The following ERCC8 variants were observed in gnomAD, a reference collection of about 807,000 sequenced individuals.
ERCC8 encodes the protein DNA excision repair protein ERCC-8.
ERCC8 carries 52 observed loss-of-function variants against 54.9 expected under a neutral mutation model. That is an observed-to-expected ratio of 0.95 (90% CI 0.76 to 1.19). The LOEUF is 1.19. Among genes scored for constraint, ERCC8 ranks in the 50% most tolerant of loss-of-function variants. ERCC8 has a pLI of 0.00. For synonymous variants in ERCC8, 146 were observed against 157.2 expected (o/e 0.93, Z 0.53); for missense variants, 514 against 466.1 (o/e 1.10, Z -0.95).
Position 60,903,647 on chromosome 5 carries a change from C to A in ERCC8, c.550+1G>T, listed in dbSNP as rs527752850. The A allele has an allele frequency of 1.9e-6, 3 of 1,612,176 alleles. No individual in the cohort carries two copies. The highest frequency in any genetic ancestry group is 2.7e-5 in the African/African-American group (2 of 74,948). On this transcript the variant is annotated splice_donor_variant, in intron 6 of 11. Coordinates refer to ENST00000676185, the MANE Select transcript of ERCC8 (RefSeq NM_000082.4). LOFTEE classifies it high-confidence loss of function. Reference sequence around the variant, plus strand: ...TGCCGTTTGAAATAAAATAAAAATACCCTGTAGAATGTGAGAACAGGATCC... The same window carrying A: ...TGCCGTTTGAAATAAAATAAAAATAACCTGTAGAATGTGAGAACAGGATCC...
intron 4 of ERCC8, chr5:60,917,350 G>C (rs1749466098): frequency 6.6e-6 from 1 of 152,044 alleles, no homozygotes; most frequent in Non-Finnish European, 1.5e-5. Flanking sequence ...CATTTGTGTT[G>C]AAAACTGGTA....
In ERCC8 at chr5:60,904,831, G is replaced by A; in HGVS notation, c.442C>T (p.His148Tyr). Residue 148 changes from histidine (H) to tyrosine (Y), a missense_variant, in exon 5 of 12, where the codon CAT becomes TAT. His to Tyr is a moderately conservative substitution (Grantham distance 83). Transcript: ENST00000676185. ...FNFEETVYSH[H>Y]MSPVSTKHCL... Reference sequence around the variant, plus strand: ...TGCTTGGTGGAGACTGGAGACATATGATGACTATAAACTGTTTCCTCAAAA... The same window carrying A: ...TGCTTGGTGGAGACTGGAGACATATAATGACTATAAACTGTTTCCTCAAAA... 1.3e-6 allele frequency: 2 copies of A among 1,599,772 alleles called. No homozygotes were observed. The highest frequency in any genetic ancestry group is 1.7e-6 in the Non-Finnish European group (2 of 1,168,016).
chr5:60,930,682 C>T (rs1303341173), intron 1 of ERCC8, among the ~76,000 whole-genome samples: 3 of 152,118 alleles, frequency 2.0e-5, no homozygotes, highest in East Asian at 1.9e-4. Flanking sequence ...GCCGAGATCG[C>T]GCCACTGCAC....
At chr5:60,893,719 C>T (rs530992320) in intron 9 of ERCC8, 175 of 419,616 alleles carry the variant, frequency 4.2e-4, no homozygotes, top group South Asian at 2.5e-3. Context: ...AGCCTGGCGG[C>T]GCCCGACTCC....
chr5:60,913,976 TC>T (rs1749350486), intron 4 of ERCC8, among the ~76,000 whole-genome samples: 2 of 152,176 alleles, frequency 1.3e-5, no homozygotes, highest in South Asian at 4.1e-4. Context: ...TGATTTGTGT[TC>T]TTTTACATTT....
chr5:60,919,607 T>G (rs1749543583), intron 3 of ERCC8: 1 of 152,112 alleles, frequency 6.6e-6, no homozygotes, highest in Non-Finnish European at 1.5e-5. Context: ...TAAATATTCA[T>G]ATATTTTAAC....
chr5:60,880,764 G>C (rs1411312344), intron 11 of ERCC8, among the ~76,000 whole-genome samples: 1 of 151,990 alleles, frequency 6.6e-6, no homozygotes, highest in African/African-American at 2.4e-5. Flanking sequence ...TTAGCCATTT[G>C]TCTAATTTTT....
At chr5:60,917,495 G>C (rs1027215490) in intron 4 of ERCC8, 5 of 151,978 alleles carry the variant, frequency 3.3e-5, no homozygotes, top group Non-Finnish European at 5.9e-5. Flanking sequence ...TTAATTCTGG[G>C]GTAGAACTTA....
At chr5:60,885,456 G>A (rs1748367336) in intron 11 of ERCC8, among the ~76,000 whole-genome samples, 1 of 152,044 alleles carries the variant, frequency 6.6e-6, no homozygotes. Flanking sequence ...ATGGCTTACA[G>A]TGTTAACTTG....
intron 2 of ERCC8, among the ~76,000 whole-genome samples, chr5:60,926,417 A>G (rs769486837): frequency 7.2e-5 from 11 of 152,180 alleles, no homozygotes; most frequent in African/African-American, 1.2e-4. Flanking sequence ...CAAATAGTTC[A>G]TGAACTAGTA....
chr5:60,924,230 C>T (rs1191814934), intron 2 of ERCC8: 2 of 152,550 alleles, frequency 1.3e-5, no homozygotes, highest in African/African-American at 4.8e-5. Context: ...AAACCAATAT[C>T]TAGATCCATC....
intron 1 of ERCC8, among the ~76,000 whole-genome samples, chr5:60,940,910 T>C (rs1027185773): frequency 1.3e-5 from 2 of 152,124 alleles, no homozygotes; most frequent in African/African-American, 4.8e-5. Context: ...TAAAGAACCG[T>C]GAAAATTTCA....
chr5:60,893,145 C>A, intron 9 of ERCC8: 1 of 846,072 alleles, frequency 1.2e-6, no homozygotes, highest in Non-Finnish European at 2.1e-6. Flanking sequence ...CATTTGGAAG[C>A]AGCAGCAGCA....
intron 6 of ERCC8, 97 bp downstream of exon 6, chr5:60,903,551 T>C (rs1276174749): frequency 8.3e-6 from 13 of 1,571,238 alleles, no homozygotes; most frequent in Non-Finnish European, 1.0e-5. Flanking sequence ...CAAAGTACAT[T>C]AGTCATGTCA....
At chr5:60,902,717 A>G (rs755721665) in intron 6 of ERCC8, among the ~76,000 whole-genome samples, 2 of 152,070 alleles carry the variant, frequency 1.3e-5, no homozygotes, top group African/African-American at 4.8e-5. Flanking sequence ...TTATTGTAAA[A>G]GAACTGGTTT....
chr5:60,876,259 T>C (rs1032244357), intron 11 of ERCC8, among the ~76,000 whole-genome samples: 11 of 152,234 alleles, frequency 7.2e-5, no homozygotes, highest in African/African-American at 2.7e-4. Flanking sequence ...TGTGCCACAT[T>C]TTCTTAATCC....
intron 10 of ERCC8, 120 bp downstream of exon 10, chr5:60,890,769 T>G (rs1748521634): frequency 1.3e-6 from 1 of 746,932 alleles, no homozygotes; most frequent in Non-Finnish European, 2.3e-6. Flanking sequence ...AAATAAATCC[T>G]ACTACAAATG....
At chr5:60,877,107 G>A (rs976748415) in intron 11 of ERCC8, among the ~76,000 whole-genome samples, 9 of 152,212 alleles carry the variant, frequency 5.9e-5, no homozygotes, top group Non-Finnish European at 1.2e-4. Flanking sequence ...TGGCTAGCCA[G>A]TTATCCCAGC....
chr5:60,887,444 T>C lies in ERCC8; in HGVS notation c.1118A>G (p.Asp373Gly), dbSNP rs757164182. 1 of 1,609,688 alleles carries C rather than the reference T, an allele frequency of 6.2e-7. No individual in the cohort carries two copies. The highest frequency in any genetic ancestry group is 8.5e-7 in the Non-Finnish European group (1 of 1,176,036). ...ATTTGTGAAAATAATATTTACCTCA[T>C]CATCATCAGGAACTGGTTCATATAA... ...PSLYEPVPDD[D>G]ETTTKSQLNP... Residue 373 changes from aspartate (D) to glycine (G), a missense_variant, in exon 11 of 12, where the codon GAT (aspartate) becomes GGT (glycine). Coordinates refer to ENST00000676185, the MANE Select transcript of ERCC8 (RefSeq NM_000082.4).
Sources: gnomAD v4.1 joint callset for allele counts (sites outside exome capture counted in the v4.1 genomes callset) on GRCh38, gnomAD v4.1.1 for gene constraint, MANE v1.5 for transcripts, NCBI Gene and HGNC (gene_info 2026-07-23, HGNC 2026-07-21) for gene names.